NUP214: variants seen among roughly 807,000 people sequenced by gnomAD.
NUP214 encodes the protein nucleoporin 214.
NUP214 carries 79 observed loss-of-function variants against 196.2 expected under a neutral mutation model. That is an observed-to-expected ratio of 0.40 (90% CI 0.34 to 0.49). The LOEUF (loss-of-function observed/expected upper bound fraction) is 0.49, where lower values mean the gene tolerates loss of function less well. Among genes scored for constraint, NUP214 ranks in the 20% least tolerant of loss-of-function variants. The probability of loss-of-function intolerance (pLI) is 0.58; values close to 1 mark genes in which losing one functional copy is unlikely to be tolerated. For synonymous variants in NUP214, 1,020 were observed against 990.5 expected, an observed-to-expected ratio of 1.03 and a Z score of -0.56; for missense variants, 2,468 against 2,539.0, an observed-to-expected ratio of 0.97 and a Z score of 0.60.
At chr9:131,214,869 A>G (rs550855531) in intron 30 of NUP214, among the ~76,000 whole-genome samples, 5 of 152,186 alleles carry the variant, frequency 3.3e-5, no homozygotes, top group South Asian at 4.1e-4. Context: ...ATGTTTTCGA[A>G]CTTTTTATTT....
Position 131,197,425 on chromosome 9 carries a change from G to A in NUP214, c.3931G>A (p.Glu1311Lys). 1.2e-6 allele frequency: 2 copies of A among 1,614,150 alleles called. No homozygotes were observed. Among genetic ancestry groups the A allele is most frequent in the Non-Finnish European group, 8.5e-7 (1 of 1,180,038 alleles). Reference protein sequence around the residue: ...TALSTTSSKLETPPSKLGELL... With the variant: ...TALSTTSSKLKTPPSKLGELL... ...TCTTTCCACCACCTCTAGTAAGCTG[G>A]AAACCCCACCGTCCAAGCTGGGAGA... The change falls in exon 29 of 36, where the codon GAA becomes AAA. Residue 1311 changes from glutamate (E) to lysine (K), a missense_variant. Coordinates refer to ENST00000359428, the MANE Select transcript of NUP214 (RefSeq NM_005085.4).
intron 30 of NUP214, among the ~76,000 whole-genome samples, chr9:131,214,580 AGT>A (rs1418246992): frequency 6.6e-6 from 1 of 152,182 alleles, no homozygotes; most frequent in Non-Finnish European, 1.5e-5. Context: ...AGAGAAGTTA[AGT>A]GTCTGGGACC....
chr9:131,210,241 A>T (rs1010093523), intron 30 of NUP214, among the ~76,000 whole-genome samples: 1 of 152,228 alleles, frequency 6.6e-6, no homozygotes, highest in African/African-American at 2.4e-5. Context: ...GGAACTGGAG[A>T]CAGACTTTAA....
intron 17 of NUP214, among the ~76,000 whole-genome samples, chr9:131,156,664 G>A (rs779401512): frequency 2.7e-5 from 4 of 149,338 alleles, no homozygotes; most frequent in Non-Finnish European, 5.9e-5. Context: ...CTACTGATTT[G>A]TGTACATTGA....
At chr9:131,179,599 C>T (rs1298314912) in intron 24 of NUP214, among the ~76,000 whole-genome samples, 1 of 152,206 alleles carries the variant, frequency 6.6e-6, no homozygotes, top group Non-Finnish European at 1.5e-5. Flanking sequence ...TGGTTCTCCA[C>T]AGCGTGCCCA....
At chr9:131,170,034 G>C (rs1034857905) in intron 21 of NUP214, among the ~76,000 whole-genome samples, 2 of 152,164 alleles carry the variant, frequency 1.3e-5, no homozygotes, top group African/African-American at 4.8e-5. Flanking sequence ...GTTTCATGGG[G>C]ATGAAGTTTC....
chr9:131,149,506 G>T (rs910065830), intron 14 of NUP214, among the ~76,000 whole-genome samples: 42 of 149,532 alleles, frequency 2.8e-4, no homozygotes, highest in Admixed American at 4.1e-4. Flanking sequence ...CTGGCGGGAG[G>T]TCTTGTCAGC....
In NUP214 at chr9:131,174,147, A is replaced by G; in HGVS notation, c.2986A>G (p.Ser996Gly). The change falls in exon 22 of 36, where the codon AGT (serine) becomes GGT (glycine). Residue 996 changes from serine (S) to glycine (G), a missense_variant. This residue lies in a region of NUP214 where 1,801 missense variants were observed against 1,779.4 expected (regional missense o/e 1.01). Coordinates refer to ENST00000359428, the MANE Select transcript of NUP214 (RefSeq NM_005085.4). ...STSSVSQSLE[S>G]EDARTSCKDD... Reference sequence around the variant, plus strand: ...GTCATCTGTCTCCCAGTCTCTGGAGAGTGAAGATGCACGGACGTCCTGTAA... The same window carrying G: ...GTCATCTGTCTCCCAGTCTCTGGAGGGTGAAGATGCACGGACGTCCTGTAA... 6.2e-7 allele frequency: 1 copy of G among 1,613,730 alleles called. No homozygotes were observed. The highest frequency in any genetic ancestry group is 8.5e-7 in the Non-Finnish European group (1 of 1,179,958).
intron 24 of NUP214, 69 bp from the exon 25 acceptor site, chr9:131,187,220 G>A: frequency 7.3e-7 from 1 of 1,370,676 alleles, no homozygotes; most frequent in Non-Finnish European, 1.0e-6. Context: ...CAGAAGGTTG[G>A]CTTGAGAATG....
intron 30 of NUP214, among the ~76,000 whole-genome samples, chr9:131,204,603 C>T (rs536969154): frequency 6.6e-6 from 1 of 152,226 alleles, no homozygotes; most frequent in East Asian, 1.9e-4. Flanking sequence ...AGTTTGCTGA[C>T]CTAACTAGAA....
intron 14 of NUP214, among the ~76,000 whole-genome samples, chr9:131,149,189 G>GC (rs1262032533): frequency 6.6e-6 from 1 of 151,968 alleles, no homozygotes; most frequent in Non-Finnish European, 1.5e-5. Flanking sequence ...CATAGTAAGT[G>GC]CCCAGGTCAC....
At chr9:131,185,027 C>G (rs576581932) in intron 24 of NUP214, among the ~76,000 whole-genome samples, 33 of 152,238 alleles carry the variant, frequency 2.2e-4, no homozygotes, top group Non-Finnish European at 3.5e-4. Context: ...TAAAACATAA[C>G]CAGGTCTCTT....
At chr9:131,207,056 A>G (rs1012226626) in intron 30 of NUP214, among the ~76,000 whole-genome samples, 7 of 152,238 alleles carry the variant, frequency 4.6e-5, no homozygotes, top group African/African-American at 1.7e-4. Context: ...TTCAGGTAGC[A>G]GAAGTATCCT....
intron 32 of NUP214, 98 bp downstream of exon 32, chr9:131,223,028 G>A (rs1352453075): frequency 1.7e-6 from 2 of 1,180,872 alleles, no homozygotes; most frequent in African/African-American, 3.1e-5. Flanking sequence ...TATCTTAAGA[G>A]AGTAGGATTG....
chr9:131,154,344 A>G (rs1436070308), intron 17 of NUP214, among the ~76,000 whole-genome samples: 1 of 152,050 alleles, frequency 6.6e-6, no homozygotes, highest in Non-Finnish European at 1.5e-5. Flanking sequence ...TGTACACTGT[A>G]CCCCAATGTG....
Position 131,163,075 on chromosome 9 carries a change from G to A in NUP214, c.2625G>A (p.Leu875=), listed in dbSNP as rs1338426646. The change falls in exon 19 of 36, where the codon CTG becomes CTA. Residue 875 remains leucine (L), a synonymous_variant. Coordinates refer to ENST00000359428, the MANE Select transcript of NUP214 (RefSeq NM_005085.4). ...TCATCAACCAACAGAGGAAGAGGCT[G>A]AATCACCTGGTGGATAGTCTTCAGC... ...REIINQQRKR[L]NHLVDSLQQL... is the part of the protein sequence containing the mutation. The A allele has an allele frequency of 1.9e-6, 3 of 1,614,066 alleles. No homozygotes were observed. Among genetic ancestry groups the A allele is most frequent in the African/African-American group, 2.7e-5 (2 of 74,936 alleles).
Position 131,130,137 on chromosome 9 carries a change from G to GTTTTTTTTTT in NUP214, c.593-625_593-616dup, listed in dbSNP as rs757856001. Among the ~76,000 whole-genome samples, 61 of 76,918 alleles carry GTTTTTTTTTT rather than the reference G, an allele frequency of 7.9e-4. 11 individuals are homozygous for GTTTTTTTTTT. Among genetic ancestry groups the GTTTTTTTTTT allele is most frequent in the East Asian group, 1.8e-3 (4 of 2,182 alleles). 50.5% of individuals were successfully genotyped at this position (76,918 alleles called of 152,430 possible). A position where few individuals can be genotyped will look rare whatever the true frequency, so the allele number is the denominator to read the frequency against. ...GAGCAGGAGAATGATTTCTGGTTTTGTTTTTTTTTTTTTGTTTTTTTTTTG... is the reference window on the plus strand; with the variant it reads ...GAGCAGGAGAATGATTTCTGGTTTTGTTTTTTTTTTTTTTTTTTTTTTTGTTTTTTTTTTG... On this transcript the variant is annotated intron_variant, in intron 4 of 35. Coordinates refer to ENST00000359428, the MANE Select transcript of NUP214 (RefSeq NM_005085.4).
intron 31 of NUP214, among the ~76,000 whole-genome samples, chr9:131,221,663 C>T (rs1330324103): frequency 6.6e-6 from 1 of 152,174 alleles, no homozygotes; most frequent in Non-Finnish European, 1.5e-5. Context: ...GAGACTGGTC[C>T]TTCATTACCC....
In NUP214 at chr9:131,187,383, C is replaced by CTTTTTTTTTTTTTTTTT; in HGVS notation, c.3495+24_3495+40dup. The CTTTTTTTTTTTTTTTTT allele has an allele frequency of 9.5e-7, 1 of 1,056,482 alleles. No homozygotes were observed. 65.4% of individuals were successfully genotyped at this position (1,056,482 alleles called of 1,614,324 possible). A position where few individuals can be genotyped will look rare whatever the true frequency, so the allele number is the denominator to read the frequency against. Reference sequence around the variant, plus strand: ...CAAGCAGGTAACTTACTGATTTTTACTTTTTTTTTTTTTTTTTTTTTGAGA... The same window carrying CTTTTTTTTTTTTTTTTT: ...CAAGCAGGTAACTTACTGATTTTTACTTTTTTTTTTTTTTTTTTTTTTTTTTTTTTTTTTTTTTGAGA... On this transcript the variant is annotated intron_variant, in intron 25 of 35. Coordinates refer to ENST00000359428, the MANE Select transcript of NUP214 (RefSeq NM_005085.4).
Sources: gnomAD v4.1 joint callset for allele counts (sites outside exome capture counted in the v4.1 genomes callset) on GRCh38, gnomAD v4.1.1 for gene constraint, gnomAD v4.1.1 regional missense constraint, MANE v1.5 for transcripts, NCBI Gene and HGNC (gene_info 2026-07-23, HGNC 2026-07-21) for gene names.